Variants in MFHAS1 observed in about 807,000 individuals in gnomAD.
MFHAS1 encodes multifunctional ROCO family signaling regulator 1.
In MFHAS1, 50 loss-of-function variants were observed where a neutral mutation model predicts 70.4. The ratio of observed to expected loss-of-function variants is 0.71; its 90% CI spans 0.57 to 0.90. MFHAS1 has a LOEUF of 0.90. Among genes scored for constraint, MFHAS1 ranks in the 40% least tolerant of loss-of-function variants. The probability of loss-of-function intolerance (pLI) is 0.00; values close to 1 mark genes in which losing one functional copy is unlikely to be tolerated. For synonymous variants in MFHAS1, 952 were observed against 620.0 expected (o/e 1.54, Z -7.96); for missense variants, 1,795 against 1,347.6 (o/e 1.33, Z -5.20).
At chr8:8,888,034 C>T (rs541097194) in intron 1 of MFHAS1, among the ~76,000 whole-genome samples, 1 of 152,112 alleles carries the variant, frequency 6.6e-6, no homozygotes, top group Non-Finnish European at 1.5e-5. Context: ...CCTGTAAATG[C>T]GTAACTCCCA....
chr8:8,845,370 C>T (rs756970616), intron 1 of MFHAS1, among the ~76,000 whole-genome samples: 1 of 152,144 alleles, frequency 6.6e-6, no homozygotes, highest in Non-Finnish European at 1.5e-5. Context: ...AATCATATTC[C>T]TTTTCAGTAA....
chr8:8,827,343 A>G (rs1807200664), intron 1 of MFHAS1, among the ~76,000 whole-genome samples: 1 of 152,240 alleles, frequency 6.6e-6, no homozygotes, highest in Non-Finnish European at 1.5e-5. Context: ...TTTAAATTCT[A>G]GTCTAAGGAT....
intron 1 of MFHAS1, among the ~76,000 whole-genome samples, chr8:8,832,627 C>CTTTTTT (rs137896964): frequency 4.9e-5 from 6 of 121,904 alleles, no homozygotes; most frequent in East Asian, 2.4e-4. Flanking sequence ...GAATTTTTTT[C>CTTTTTT]TTTTTTTTTT....
chr8:8,885,186 G>A (rs1293959832), intron 1 of MFHAS1, among the ~76,000 whole-genome samples: 1 of 152,078 alleles, frequency 6.6e-6, no homozygotes, highest in African/African-American at 2.4e-5. Flanking sequence ...AGGGACAGAA[G>A]ACATTTGGCA....
intron 1 of MFHAS1, among the ~76,000 whole-genome samples, chr8:8,878,671 GAA>G (rs200980664): frequency 3.0e-5 from 4 of 134,304 alleles, no homozygotes; most frequent in Admixed American, 7.3e-5. Flanking sequence ...TTCAAAAAAA[GAA>G]AAAAAAAAAG....
At chr8:8,859,629 T>C (rs144160659) in intron 1 of MFHAS1, among the ~76,000 whole-genome samples, 1 of 152,338 alleles carries the variant, frequency 6.6e-6, no homozygotes, top group African/African-American at 2.4e-5. Flanking sequence ...TTTACTTCCA[T>C]TTAAGGAACA....
intron 1 of MFHAS1, among the ~76,000 whole-genome samples, chr8:8,826,115 T>C (rs1807150607): frequency 6.6e-6 from 1 of 152,160 alleles, no homozygotes; most frequent in Non-Finnish European, 1.5e-5. Flanking sequence ...TTTAAAAAAT[T>C]TGCAGGAAAG....
chr8:8,874,715 G>GT (rs111243572), intron 1 of MFHAS1, among the ~76,000 whole-genome samples: 1 of 151,828 alleles, frequency 6.6e-6, no homozygotes, highest in East Asian at 1.9e-4. Context: ...ATGTTATGAG[G>GT]TTTTTTTAAG....
At chr8:8,797,728 C>T (rs1014106241) in intron 1 of MFHAS1, among the ~76,000 whole-genome samples, 8 of 152,150 alleles carry the variant, frequency 5.3e-5, no homozygotes, top group Non-Finnish European at 8.8e-5. Context: ...GGCAGGAAGG[C>T]CCACACTAGA....
chr8:8,857,826 AT>A (rs1375780591), intron 1 of MFHAS1, among the ~76,000 whole-genome samples: 3 of 152,186 alleles, frequency 2.0e-5, no homozygotes, highest in Non-Finnish European at 4.4e-5. Context: ...CTACAGTGAC[AT>A]TGACAAGTTA....
chr8:8,797,094 T>C (rs1473425647), intron 2 of MFHAS1, among the ~76,000 whole-genome samples: 1 of 150,558 alleles, frequency 6.6e-6, no homozygotes, highest in African/African-American at 2.5e-5. Flanking sequence ...AACTGTGGTA[T>C]GTGAATGACA....
Position 8,785,739 on chromosome 8 carries a change from T to C in MFHAS1, c.*283A>G, listed in dbSNP as rs1805517982. ...AAAATCCCTGAGAAGCCATTCGACTTTTTTTTTTTTTTTTTCTTTTCTTCA... is the reference window on the plus strand; with the variant it reads ...AAAATCCCTGAGAAGCCATTCGACTCTTTTTTTTTTTTTTTCTTTTCTTCA... On this transcript the variant is annotated 3_prime_UTR_variant, in exon 3 of 3. Coordinates refer to ENST00000276282, the MANE Select transcript of MFHAS1 (RefSeq NM_004225.3). 1.6e-5 allele frequency: 1 copy of C among 63,498 alleles called. No homozygotes were observed. Among genetic ancestry groups the C allele is most frequent in the Non-Finnish European group, 2.8e-5 (1 of 35,930 alleles). The allele number at this position is 63,498 out of a possible 1,614,324, so 3.9% of individuals were successfully genotyped here.
chr8:8,850,676 A>C (rs546610430), intron 1 of MFHAS1, among the ~76,000 whole-genome samples: 7 of 152,260 alleles, frequency 4.6e-5, no homozygotes, highest in Non-Finnish European at 8.8e-5. Flanking sequence ...CTCTACTAAA[A>C]ACCCCAAAAT....
chr8:8,837,913 C>T (rs1807662054), intron 1 of MFHAS1, among the ~76,000 whole-genome samples: 1 of 152,162 alleles, frequency 6.6e-6, no homozygotes, highest in Non-Finnish European at 1.5e-5. Context: ...ATGTGACCCA[C>T]CATTCCACCC....
Position 8,890,462 on chromosome 8 carries a change from T to C in MFHAS1, c.2597A>G (p.Asn866Ser), listed in dbSNP as rs148726411. 249 of 1,613,852 alleles carry C rather than the reference T, an allele frequency of 1.5e-4. No homozygotes were observed. Among genetic ancestry groups the C allele is most frequent in the Non-Finnish European group, 2.0e-4 (236 of 1,180,048 alleles). The change falls in exon 1 of 3, where the codon AAT (asparagine) becomes AGT (serine). Residue 866 changes from asparagine (N) to serine (S), a missense_variant. Asn to Ser is a conservative substitution (Grantham distance 46, BLOSUM62 1). Transcript: ENST00000276282. ...NEVPHAEAWINGTNLAGQSFV... is the reference protein window; with the variant it reads ...NEVPHAEAWISGTNLAGQSFV... ...AGACTGCCCAGCTAGGTTGGTCCCA[T>C]TAATCCAGGCTTCTGCATGGGGCAC...
In MFHAS1 at chr8:8,890,932, C is replaced by A. The variant is rs1352746185; in HGVS notation, c.2127G>T (p.Glu709Asp). The change falls in exon 1 of 3, where the codon GAG becomes GAT. Residue 709 changes from glutamate (E) to aspartate (D), a missense_variant. Physicochemically the swap from Glu to Asp is conservative, Grantham distance 45 (BLOSUM62 2). Coordinates refer to ENST00000276282, the MANE Select transcript of MFHAS1 (RefSeq NM_004225.3). ...RLQSALSYLHESGKLLYFEDS... is the reference protein window; with the variant it reads ...RLQSALSYLHDSGKLLYFEDS... ...CCTCAAAGTAGAGTAGCTTGCCGCTCTCATGCAGGTAGGAGAGGGCACTCT... is the reference window on the plus strand; with the variant it reads ...CCTCAAAGTAGAGTAGCTTGCCGCTATCATGCAGGTAGGAGAGGGCACTCT... The A allele has an allele frequency of 5.6e-6, 9 of 1,613,990 alleles. No homozygotes were observed. Among genetic ancestry groups the A allele is most frequent in the Non-Finnish European group, 1.7e-6 (2 of 1,180,036 alleles).
At chr8:8,880,930 C>G (rs981213617) in intron 1 of MFHAS1, among the ~76,000 whole-genome samples, 1 of 152,074 alleles carries the variant, frequency 6.6e-6, no homozygotes, top group African/African-American at 2.4e-5. Context: ...AGTGATCCAC[C>G]TCCTCAGCCT....
intron 1 of MFHAS1, among the ~76,000 whole-genome samples, chr8:8,828,937 T>A (rs1051776029): frequency 2.0e-5 from 3 of 152,178 alleles, no homozygotes; most frequent in African/African-American, 4.8e-5. Context: ...TCTGTCAATC[T>A]GCTAAGAGCA....
At position 8,893,419 on chromosome 8, in the gene MFHAS1, A is replaced by T. The variant is rs1327663831; in HGVS notation, c.-361T>A. On this transcript the variant is annotated 5_prime_UTR_variant, in exon 1 of 3. Coordinates refer to ENST00000276282, the MANE Select transcript of MFHAS1 (RefSeq NM_004225.3). ...CCGGCTCCGGCCCCGCTACCCTCGC[A>T]GCCGCGGTCCCGCGGCCGGCAGCGG... 1 of 144,640 alleles carries T rather than the reference A, an allele frequency of 6.9e-6. No homozygotes were observed. Among genetic ancestry groups the T allele is most frequent in the African/African-American group, 2.5e-5 (1 of 40,134 alleles). The allele number at this position is 144,640 out of a possible 1,614,324, so 9.0% of individuals were successfully genotyped here. A position where few individuals can be genotyped will look rare whatever the true frequency, so the allele number is the denominator to read the frequency against.
Sources: allele counts gnomAD v4.1 joint callset (sites outside exome capture counted in the v4.1 genomes callset), GRCh38; gene constraint gnomAD v4.1.1; transcripts MANE v1.5; gene names NCBI Gene and HGNC (gene_info 2026-07-23, HGNC 2026-07-21).